Variants in MAGI2 observed in about 807,000 individuals in gnomAD.
The protein encoded by MAGI2 is membrane associated guanylate kinase, WW and PDZ domain containing 2.
MAGI2 carries 35 observed loss-of-function variants against 133.3 expected under a neutral mutation model. The observed-to-expected ratio is 0.26, with a 90% CI of 0.20 to 0.35. The LOEUF (loss-of-function observed/expected upper bound fraction) is 0.35, where lower values mean the gene tolerates loss of function less well. Among genes scored for constraint, MAGI2 ranks in the 10% least tolerant of loss-of-function variants. The probability of loss-of-function intolerance (pLI) is 1.00; values close to 1 mark genes in which losing one functional copy is unlikely to be tolerated. For missense variants in MAGI2, 1,636 were observed against 1,863.4 expected (o/e 0.88, Z 2.25); for synonymous variants, 729 against 710.6 (o/e 1.03, Z -0.41).
At chr7:78,287,520 T>C (rs1465620393) in intron 9 of MAGI2, among the ~76,000 whole-genome samples, 3 of 152,138 alleles carry the variant, frequency 2.0e-5, no homozygotes, top group Non-Finnish European at 4.4e-5. Context: ...ACTGTCAGAT[T>C]GTCATTATGA....
At chr7:79,336,391 T>C (rs1302793299) in intron 1 of MAGI2, among the ~76,000 whole-genome samples, 8 of 152,024 alleles carry the variant, frequency 5.3e-5, no homozygotes, top group Non-Finnish European at 1.0e-4. Flanking sequence ...GAGTTACTTA[T>C]AAAAATAAAA....
intron 16 of MAGI2, among the ~76,000 whole-genome samples, chr7:78,145,470 T>C (rs1823207194): frequency 6.6e-6 from 1 of 152,134 alleles, no homozygotes; most frequent in Non-Finnish European, 1.5e-5. Flanking sequence ...GTTTTTCTGG[T>C]CTCTCTTTCT....
In MAGI2 at chr7:79,090,189, ATAAT is replaced by A. The variant is rs550088732; in HGVS notation, c.302-82987_302-82984del. Among the ~76,000 whole-genome samples the A allele has an allele frequency of 4.3e-3, 653 of 152,122 alleles. 3 individuals are homozygous for A. Among genetic ancestry groups the A allele is most frequent in the Non-Finnish European group, 5.5e-3 (371 of 67,980 alleles). Reference sequence around the variant, plus strand: ...GTATTTTGTCTATTATGCAAAAGGAATAATTAATTATGTAATTGCATAGGTAATA... The same window carrying A: ...GTATTTTGTCTATTATGCAAAAGGAATAATTATGTAATTGCATAGGTAATA... On this transcript the variant is annotated intron_variant, in intron 1 of 21. Coordinates refer to ENST00000354212, the MANE Select transcript of MAGI2 (RefSeq NM_012301.4).
At chr7:78,926,422 T>G (rs757131340) in intron 2 of MAGI2, among the ~76,000 whole-genome samples, 8 of 152,026 alleles carry the variant, frequency 5.3e-5, no homozygotes, top group Non-Finnish European at 1.2e-4. Flanking sequence ...GTGCAAACAA[T>G]GAATACAGAA....
At chr7:78,768,479 C>T (rs542597549) in intron 2 of MAGI2, among the ~76,000 whole-genome samples, 1 of 152,280 alleles carries the variant, frequency 6.6e-6, no homozygotes, top group East Asian at 1.9e-4. Flanking sequence ...AAGGTCTTAG[C>T]TTTATCAAAA....
chr7:78,573,905 G>A (rs374923821), intron 3 of MAGI2, among the ~76,000 whole-genome samples: 4 of 152,174 alleles, frequency 2.6e-5, no homozygotes. Context: ...CCTGAGATCT[G>A]AGCTGAGTAC....
At chr7:79,428,915 G>A (rs1847583783) in intron 1 of MAGI2, among the ~76,000 whole-genome samples, 2 of 152,024 alleles carry the variant, frequency 1.3e-5, no homozygotes, top group African/African-American at 4.8e-5. Flanking sequence ...AATTTTTTTA[G>A]ATAGCACTTT....
chr7:78,305,822 G>A (rs980585475), intron 9 of MAGI2, among the ~76,000 whole-genome samples: 8 of 152,172 alleles, frequency 5.3e-5, no homozygotes, highest in Middle Eastern at 6.8e-3. Context: ...ACAATTATGA[G>A]CTTTAGTTTA....
chr7:78,665,797 A>G (rs1388045684), intron 2 of MAGI2, among the ~76,000 whole-genome samples: 1 of 152,206 alleles, frequency 6.6e-6, no homozygotes, highest in Non-Finnish European at 1.5e-5. Flanking sequence ...TCATGTATTC[A>G]TTCATTAAAC....
At chr7:78,584,276 C>T (rs972059818) in intron 3 of MAGI2, among the ~76,000 whole-genome samples, 2 of 151,678 alleles carry the variant, frequency 1.3e-5, no homozygotes, top group Admixed American at 6.6e-5. Flanking sequence ...AAAAAGTAGT[C>T]GGGCATGGTG....
intron 2 of MAGI2, among the ~76,000 whole-genome samples, chr7:78,756,595 C>A (rs1823971701): frequency 6.6e-6 from 1 of 152,042 alleles, no homozygotes; most frequent in African/African-American, 2.4e-5. Context: ...TAAAATAAGA[C>A]ACTTTGATGC....
chr7:78,270,172 TGTA>T (rs1353203605), intron 9 of MAGI2, among the ~76,000 whole-genome samples: 1 of 152,158 alleles, frequency 6.6e-6, no homozygotes, highest in Non-Finnish European at 1.5e-5. Context: ...AATGTAGCCT[TGTA>T]GTATAGTTTG....
intron 4 of MAGI2, among the ~76,000 whole-genome samples, chr7:78,515,054 C>T (rs6963840): frequency 0.21 from 31,942 of 152,050 alleles, 4,440 homozygotes; most frequent in African/African-American, 0.4. Flanking sequence ...AAAATATATG[C>T]GCATTTCTAA....
intron 20 of MAGI2, among the ~76,000 whole-genome samples, chr7:78,094,515 C>T (rs1200420327): frequency 1.3e-5 from 2 of 152,140 alleles, no homozygotes; most frequent in Non-Finnish European, 1.5e-5. Context: ...GACCACTTGT[C>T]ACCAAAGGTT....
intron 12 of MAGI2, among the ~76,000 whole-genome samples, chr7:78,189,549 C>G (rs1321052184): frequency 6.6e-6 from 1 of 152,152 alleles, no homozygotes; most frequent in Non-Finnish European, 1.5e-5. Flanking sequence ...TGTCTTACCA[C>G]AAAGGAGTGT....
chr7:78,820,072 C>T lies in MAGI2; in HGVS notation c.418+187018G>A, dbSNP rs144134295. 2.5e-3 allele frequency among the ~76,000 whole-genome samples: 373 copies of T among 151,810 alleles called. 5 individuals carry two copies. The highest frequency in any genetic ancestry group is 8.7e-3 in the African/African-American group (362 of 41,414). ...AGAAAGTTTGATGTGACTTGGTCATCGATTGTTAGTGGGGAGTCAAAAACA... is the reference window on the plus strand; with the variant it reads ...AGAAAGTTTGATGTGACTTGGTCATTGATTGTTAGTGGGGAGTCAAAAACA... On this transcript the variant is annotated intron_variant, in intron 2 of 21. Transcript: ENST00000354212.
At position 79,119,888 on chromosome 7, in the gene MAGI2, G is replaced by A. The variant is rs190183032; in HGVS notation, c.302-112682C>T. On this transcript the variant is annotated intron_variant, in intron 1 of 21. Transcript: ENST00000354212. ...ATAAAATCTGCAGCTGCTAAACATAGAAACTAAAAGAAACTCTCTGATTAA... is the reference window on the plus strand; with the variant it reads ...ATAAAATCTGCAGCTGCTAAACATAAAAACTAAAAGAAACTCTCTGATTAA... Among the ~76,000 whole-genome samples the A allele has an allele frequency of 1.8e-4, 27 of 152,150 alleles. No individual in the cohort carries two copies. In the East Asian group the frequency reaches 5.2e-3, roughly 29 times the overall value.
intron 6 of MAGI2, among the ~76,000 whole-genome samples, chr7:78,480,445 A>G (rs771383301): frequency 6.6e-6 from 1 of 151,922 alleles, no homozygotes; most frequent in Non-Finnish European, 1.5e-5. Flanking sequence ...CACAAAAGAC[A>G]TAGACACAAA....
intron 12 of MAGI2, among the ~76,000 whole-genome samples, chr7:78,192,013 C>T (rs1180441858): frequency 1.3e-5 from 2 of 152,168 alleles, no homozygotes; most frequent in South Asian, 4.1e-4. Flanking sequence ...TTCTGTAGCT[C>T]TGTACAGCTC....
Sources: allele counts gnomAD v4.1 joint callset (sites outside exome capture counted in the v4.1 genomes callset), GRCh38; gene constraint gnomAD v4.1.1; transcripts MANE v1.5; gene names NCBI Gene and HGNC (gene_info 2026-07-23, HGNC 2026-07-21).